The following SYNDIG1 variants were observed in gnomAD, a reference collection of about 807,000 sequenced individuals.
SYNDIG1 encodes the protein synapse differentiation-inducing gene protein 1.
SYNDIG1 carries 9 observed loss-of-function variants against 19.4 expected under a neutral mutation model. The observed-to-expected ratio is 0.46, with a 90% CI of 0.28 to 0.81. The LOEUF is 0.81. Among genes scored for constraint, SYNDIG1 ranks in the 30% least tolerant of loss-of-function variants. The pLI, the probability that SYNDIG1 is intolerant of heterozygous loss-of-function variation, is 0.12. For missense variants in SYNDIG1, 311 were observed against 343.3 expected (o/e 0.91, Z 0.74); for synonymous variants, 141 against 145.9 (o/e 0.97, Z 0.24).
At chr20:24,480,998 G>C (rs1391226544) in intron 1 of SYNDIG1, among the ~76,000 whole-genome samples, 2 of 152,176 alleles carry the variant, frequency 1.3e-5, no homozygotes, top group Non-Finnish European at 2.9e-5. Context: ...ATTGTTTAAA[G>C]GGTATAGAGT....
chr20:24,626,113 C>T (rs1211544055), intron 3 of SYNDIG1, among the ~76,000 whole-genome samples: 2 of 123,660 alleles, frequency 1.6e-5, no homozygotes, highest in African/African-American at 5.9e-5. Context: ...CCAGTAGGGG[C>T]AGCCGGGCAG....
chr20:24,544,722 G>A (rs1302654419), intron 2 of SYNDIG1, among the ~76,000 whole-genome samples: 1 of 152,164 alleles, frequency 6.6e-6, no homozygotes, highest in African/African-American at 2.4e-5. Flanking sequence ...GGAGGGGTTC[G>A]TGTTGGCTGA....
intron 3 of SYNDIG1, among the ~76,000 whole-genome samples, chr20:24,654,650 G>GGAAAGAAGGAAGGAAGGA (rs2059505234): frequency 3.4e-5 from 4 of 117,352 alleles, no homozygotes; most frequent in African/African-American, 1.4e-4. Flanking sequence ...GGGAGGGAGG[G>GGAAAGAAGGAAGGAAGGA]AGGAAGGAAG....
At chr20:24,634,371 C>T (rs1313857549) in intron 3 of SYNDIG1, among the ~76,000 whole-genome samples, 1 of 152,188 alleles carries the variant, frequency 6.6e-6, no homozygotes, top group African/African-American at 2.4e-5. Context: ...TTGTTTTCAA[C>T]TTCTCCTTTT....
intron 3 of SYNDIG1, among the ~76,000 whole-genome samples, chr20:24,648,254 C>G (rs980036533): frequency 6.6e-6 from 1 of 152,170 alleles, no homozygotes; most frequent in Non-Finnish European, 1.5e-5. Flanking sequence ...TCACTGAAGC[C>G]CCTCTCTTGA....
intron 3 of SYNDIG1, among the ~76,000 whole-genome samples, chr20:24,649,489 C>A (rs1350749544): frequency 6.6e-6 from 1 of 152,174 alleles, no homozygotes; most frequent in Non-Finnish European, 1.5e-5. Flanking sequence ...AAACTCAGGG[C>A]CCATACCTAT....
At chr20:24,534,326 G>A (rs966835918) in intron 1 of SYNDIG1, among the ~76,000 whole-genome samples, 5 of 152,162 alleles carry the variant, frequency 3.3e-5, no homozygotes, top group African/African-American at 1.2e-4. Flanking sequence ...CTCCATCTGG[G>A]GCACTCAGGG....
chr20:24,664,092 A>G (rs534153570), intron 3 of SYNDIG1, among the ~76,000 whole-genome samples: 1 of 152,252 alleles, frequency 6.6e-6, no homozygotes, highest in South Asian at 2.1e-4. Flanking sequence ...TGGGGAGGAA[A>G]AAAATAAAAA....
intron 1 of SYNDIG1, among the ~76,000 whole-genome samples, chr20:24,511,935 A>G (rs1269032444): frequency 6.6e-6 from 1 of 151,506 alleles, no homozygotes; most frequent in East Asian, 1.9e-4. Flanking sequence ...ATCACCTGTA[A>G]TATTATTTTG....
At chr20:24,571,427 GT>G (rs934735631) in intron 2 of SYNDIG1, among the ~76,000 whole-genome samples, 95 of 152,142 alleles carry the variant, frequency 6.2e-4, no homozygotes, top group African/African-American at 1.9e-3. Flanking sequence ...CAGGAACTCT[GT>G]TCTATTTTTG....
At chr20:24,502,670 G>A (rs1279903175) in intron 1 of SYNDIG1, among the ~76,000 whole-genome samples, 1 of 152,236 alleles carries the variant, frequency 6.6e-6, no homozygotes, top group African/African-American at 2.4e-5. Context: ...TTCCATGGAT[G>A]TCCCATTCAA....
intron 3 of SYNDIG1, among the ~76,000 whole-genome samples, chr20:24,663,121 C>A (rs538466387): frequency 6.6e-6 from 1 of 152,342 alleles, no homozygotes; most frequent in South Asian, 2.1e-4. Flanking sequence ...TAAATGACGT[C>A]TCTGCCTTGC....
intron 2 of SYNDIG1, among the ~76,000 whole-genome samples, chr20:24,579,962 C>T (rs1404149313): frequency 1.3e-5 from 2 of 152,204 alleles, no homozygotes; most frequent in Non-Finnish European, 2.9e-5. Context: ...CCCGAGGGAA[C>T]TGAGAGCCCT....
intron 3 of SYNDIG1, among the ~76,000 whole-genome samples, chr20:24,611,099 A>G (rs2058840921): frequency 6.6e-6 from 1 of 151,990 alleles, no homozygotes; most frequent in Admixed American, 6.6e-5. Flanking sequence ...CTGCTGCTGG[A>G]ACTACTGTTT....
intron 3 of SYNDIG1, among the ~76,000 whole-genome samples, chr20:24,613,495 C>T (rs1203339462): frequency 6.6e-6 from 1 of 152,150 alleles, no homozygotes; most frequent in South Asian, 2.1e-4. Flanking sequence ...TGGGCGAGGA[C>T]TTGCCCTCAA....
chr20:24,507,557 G>A (rs551580749), intron 1 of SYNDIG1, among the ~76,000 whole-genome samples: 7 of 152,256 alleles, frequency 4.6e-5, no homozygotes, highest in Admixed American at 6.5e-5. Flanking sequence ...ACTCTGCTGC[G>A]CGCCTGGAGC....
intron 1 of SYNDIG1, among the ~76,000 whole-genome samples, chr20:24,497,011 A>T (rs1034430751): frequency 3.3e-5 from 5 of 152,110 alleles, no homozygotes; most frequent in Non-Finnish European, 7.3e-5. Context: ...TACTAATACC[A>T]TTTGCTTAAT....
chr20:24,470,568 G>GT (rs2055403689), intron 1 of SYNDIG1, among the ~76,000 whole-genome samples: 1 of 151,526 alleles, frequency 6.6e-6, no homozygotes, highest in African/African-American at 2.5e-5. Flanking sequence ...GCCTCTTCAT[G>GT]TGCACTCTCT....
At chr20:24,611,449 C>T (rs1236125128) in intron 3 of SYNDIG1, among the ~76,000 whole-genome samples, 2 of 152,322 alleles carry the variant, frequency 1.3e-5, no homozygotes, top group Admixed American at 6.5e-5. Flanking sequence ...AGCACCTTTG[C>T]TGGAGGCTGG....
Sources: allele counts gnomAD v4.1 joint callset (sites outside exome capture counted in the v4.1 genomes callset), GRCh38; gene constraint gnomAD v4.1.1; transcripts MANE v1.5; gene names NCBI Gene and HGNC (gene_info 2026-07-23, HGNC 2026-07-21).